The following FUT9 variants were observed in gnomAD, a reference collection of about 807,000 sequenced individuals.
FUT9 encodes the protein 4-galactosyl-N-acetylglucosaminide 3-alpha-L-fucosyltransferase 9.
Under a neutral mutation model 29.7 loss-of-function variants are expected in FUT9, and 15 were observed. The ratio of observed to expected loss-of-function variants is 0.51; its 90% CI spans 0.34 to 0.78. The LOEUF (loss-of-function observed/expected upper bound fraction) is 0.78. Ranked by LOEUF, FUT9 falls within the 30% of genes least tolerant of loss-of-function variation. The pLI is 0.01. For missense variants in FUT9, 319 were observed against 425.4 expected, an observed-to-expected ratio of 0.75 and a Z score of 2.20; for synonymous variants, 169 against 153.7, an observed-to-expected ratio of 1.10 and a Z score of -0.74.
In FUT9 at chr6:96,174,409, A is replaced by G. The variant is rs1341412087; in HGVS notation, c.-8-28739A>G. On this transcript the variant is annotated intron_variant, in intron 2 of 2. Transcript: ENST00000302103. ...ATCTACATGGGGACAGAATCAAATT[A>G]AATGATGGCAAATTATAATAAGAAA... 3.3e-5 allele frequency among the ~76,000 whole-genome samples: 5 copies of G among 152,200 alleles called. No homozygotes were observed. In the East Asian group the frequency reaches 7.7e-4, roughly 23 times the overall value.
At position 96,051,008 on chromosome 6, in the gene FUT9, C is replaced by CTG. The variant is rs762067470; in HGVS notation, c.-98+34797_-98+34798insGT. Reference sequence around the variant, plus strand: ...TGTGGCGTGGATCATGTCTCTCTCTCTCTCTGTGTGTGTGTGTGTGTGTAT... The same window carrying CTG: ...TGTGGCGTGGATCATGTCTCTCTCTCTGTCTCTGTGTGTGTGTGTGTGTGTAT... On this transcript the variant is annotated intron_variant, in intron 1 of 2. Coordinates refer to ENST00000302103, the MANE Select transcript of FUT9 (RefSeq NM_006581.4). Among the ~76,000 whole-genome samples, 683 of 88,848 alleles carry CTG rather than the reference C, an allele frequency of 7.7e-3. 3 individuals carry two copies. The highest frequency in any genetic ancestry group is 0.013 in the African/African-American group (250 of 19,574). The allele number at this position is 88,848 out of a possible 152,430, so 58.3% of individuals were successfully genotyped here.
At chr6:96,193,727 C>A (rs1395732870) in intron 2 of FUT9, among the ~76,000 whole-genome samples, 1 of 152,076 alleles carries the variant, frequency 6.6e-6, no homozygotes, top group African/African-American at 2.4e-5. Flanking sequence ...GATTATAAAT[C>A]ATGCTGCTAT....
At chr6:96,201,474 CCTT>C (rs1445999385) in intron 2 of FUT9, among the ~76,000 whole-genome samples, 1 of 151,726 alleles carries the variant, frequency 6.6e-6, no homozygotes, top group African/African-American at 2.4e-5. Flanking sequence ...TAACATTTTT[CCTT>C]CTTATTTTTT....
chr6:96,101,712 G>C lies in FUT9; in HGVS notation c.-97-12327G>C, dbSNP rs547515714. ...TATGTTGCCCAGGCTGGAGTGCAGT[G>C]GTGCAATCACAGCTCACTGCAACCT... On this transcript the variant is annotated intron_variant, in intron 1 of 2. Transcript: ENST00000302103. 2.0e-5 allele frequency among the ~76,000 whole-genome samples: 3 copies of C among 151,786 alleles called. No homozygotes were observed. In the South Asian group the frequency reaches 6.3e-4, roughly 32 times the overall value.
intron 1 of FUT9, among the ~76,000 whole-genome samples, chr6:96,035,731 CAT>C (rs1040632318): frequency 7.7e-6 from 1 of 129,192 alleles, no homozygotes; most frequent in Non-Finnish European, 1.6e-5. Flanking sequence ...ATAAATATAA[CAT>C]ATTTATTATA....
chr6:96,152,523 A>G (rs1212581471), intron 2 of FUT9, among the ~76,000 whole-genome samples: 1 of 152,216 alleles, frequency 6.6e-6, no homozygotes, highest in Non-Finnish European at 1.5e-5. Flanking sequence ...TGCTCAATAA[A>G]TATTTTTTGA....
intron 2 of FUT9, among the ~76,000 whole-genome samples, chr6:96,154,708 A>G (rs191026516): frequency 2.2e-3 from 331 of 152,346 alleles, no homozygotes; most frequent in African/African-American, 7.7e-3. Context: ...ACATCTTCCT[A>G]TAATATTGTC....
At chr6:96,052,705 G>T (rs1471066304) in intron 1 of FUT9, among the ~76,000 whole-genome samples, 1 of 152,110 alleles carries the variant, frequency 6.6e-6, no homozygotes, top group Non-Finnish European at 1.5e-5. Context: ...GATGTCAAGT[G>T]CCAGAAAGAT....
At chr6:96,039,910 T>C (rs1361163034) in intron 1 of FUT9, among the ~76,000 whole-genome samples, 3 of 152,062 alleles carry the variant, frequency 2.0e-5, no homozygotes, top group African/African-American at 7.2e-5. Context: ...GCTTAAAATA[T>C]GTTAGAAGCC....
At chr6:96,119,773 A>G (rs986339006) in intron 2 of FUT9, among the ~76,000 whole-genome samples, 1 of 152,216 alleles carries the variant, frequency 6.6e-6, no homozygotes, top group Admixed American at 6.5e-5. Context: ...AATTTATAGC[A>G]TACTCTTACT....
intron 1 of FUT9, among the ~76,000 whole-genome samples, chr6:96,091,676 AAG>A (rs1771413990): frequency 6.6e-6 from 1 of 152,068 alleles, no homozygotes; most frequent in Admixed American, 6.6e-5. Context: ...CTGAGTGAGA[AAG>A]AGAGAGAGTG....
At position 96,203,774 on chromosome 6, in the gene FUT9, A is replaced by C; in HGVS notation, c.619A>C (p.Asn207His). The C allele has an allele frequency of 6.2e-7, 1 of 1,614,074 alleles. No individual in the cohort carries two copies. Among genetic ancestry groups the C allele is most frequent in the Non-Finnish European group, 8.5e-7 (1 of 1,179,998 alleles). Residue 207 changes from asparagine to histidine, a missense_variant, in exon 3 of 3, where the codon AAT (asparagine) becomes CAT (histidine). Physicochemically the swap from Asn to His is moderately conservative, Grantham distance 68. Transcript: ENST00000302103. Reference sequence around the variant, plus strand: ...TGAGCATGCCAGAGTCAAGTATTACAATGAGCTAAGCAAAAGCATTGAAAT... The same window carrying C: ...TGAGCATGCCAGAGTCAAGTATTACCATGAGCTAAGCAAAAGCATTGAAAT... ...NPEHARVKYY[N>H]ELSKSIEIHT...
intron 2 of FUT9, among the ~76,000 whole-genome samples, chr6:96,166,578 T>C (rs1172121836): frequency 6.6e-6 from 1 of 152,160 alleles, no homozygotes; most frequent in Admixed American, 6.5e-5. Context: ...TGGAATGCCA[T>C]TGGTTGAAGA....
intron 1 of FUT9, among the ~76,000 whole-genome samples, chr6:96,082,911 A>G (rs1771261640): frequency 6.6e-6 from 1 of 151,972 alleles, no homozygotes; most frequent in South Asian, 2.1e-4. Flanking sequence ...TAGATACTTT[A>G]TGTTCTTGGC....
chr6:96,128,684 T>C (rs1772177031), intron 2 of FUT9, among the ~76,000 whole-genome samples: 1 of 152,164 alleles, frequency 6.6e-6, no homozygotes, highest in African/African-American at 2.4e-5. Context: ...AAAATGTTTA[T>C]TGCAAATTTA....
intron 2 of FUT9, among the ~76,000 whole-genome samples, chr6:96,135,415 A>G (rs1772328981): frequency 6.6e-6 from 1 of 151,930 alleles, no homozygotes; most frequent in South Asian, 2.1e-4. Flanking sequence ...TGGGCCCAAG[A>G]GAAAGGTGTT....
intron 2 of FUT9, among the ~76,000 whole-genome samples, chr6:96,132,751 T>C (rs17056175): frequency 0.023 from 3,535 of 152,206 alleles, 101 homozygotes; most frequent in South Asian, 0.12. Flanking sequence ...GTAATGTAAT[T>C]TGTGCTAAAA....
At chr6:96,174,283 G>A (rs535426566) in intron 2 of FUT9, among the ~76,000 whole-genome samples, 26 of 152,184 alleles carry the variant, frequency 1.7e-4, no homozygotes, top group African/African-American at 5.1e-4. Flanking sequence ...AGATGTTAAA[G>A]AAACTTAGAT....
intron 1 of FUT9, among the ~76,000 whole-genome samples, chr6:96,031,979 A>C (rs1275585514): frequency 6.6e-6 from 1 of 151,576 alleles, no homozygotes; most frequent in African/African-American, 2.4e-5. Context: ...TCCAGTTTGC[A>C]GTTCTTCCTT....
Sources: allele counts gnomAD v4.1 joint callset (sites outside exome capture counted in the v4.1 genomes callset), GRCh38; gene constraint gnomAD v4.1.1; transcripts MANE v1.5; gene names NCBI Gene and HGNC (gene_info 2026-07-23, HGNC 2026-07-21).